SUGCT: variants seen among roughly 807,000 people sequenced by gnomAD.
SUGCT encodes the protein succinyl-CoA:glutarate CoA-transferase.
Under a neutral mutation model 55.0 loss-of-function variants are expected in SUGCT, and 41 were observed. That is an observed-to-expected ratio of 0.74 (90% confidence interval 0.58 to 0.97). The LOEUF (loss-of-function observed/expected upper bound fraction) is 0.97. SUGCT is among the 50% of genes least tolerant of loss of function. SUGCT has a pLI of 0.00. For missense variants in SUGCT, 568 were observed against 547.8 expected, an observed-to-expected ratio of 1.04 and a Z score of -0.37; for synonymous variants, 187 against 200.4, an observed-to-expected ratio of 0.93 and a Z score of 0.56.
chr7:40,914,062 G>T, the SUGCT span, among the ~76,000 whole-genome samples: 137 of 143,882 alleles, frequency 9.5e-4, 1 homozygote, highest in African/African-American at 3.3e-3. Context: ...TTTTTTTTCA[G>T]TTTTTTTTTT....
chr7:40,476,412 G>A (rs908272695), intron 11 of SUGCT, among the ~76,000 whole-genome samples: 2 of 151,856 alleles, frequency 1.3e-5, no homozygotes, highest in East Asian at 1.9e-4. Context: ...TTTGGAAACC[G>A]TTGAGGAAAA....
chr7:40,993,589 A>G, the SUGCT span, among the ~76,000 whole-genome samples: 1 of 152,156 alleles, frequency 6.6e-6, no homozygotes, highest in Non-Finnish European at 1.5e-5. Flanking sequence ...TTCCTTCATG[A>G]GTCTAGGGAG....
intron 9 of SUGCT, among the ~76,000 whole-genome samples, chr7:40,403,026 CTG>C: frequency 6.6e-6 from 1 of 152,200 alleles, no homozygotes; most frequent in African/African-American, 2.4e-5. Flanking sequence ...GGGGCATTGT[CTG>C]GTCTCAATAT....
chr7:40,675,735 A>G (rs1287354426), intron 12 of SUGCT, among the ~76,000 whole-genome samples: 1 of 152,220 alleles, frequency 6.6e-6, no homozygotes, highest in East Asian at 1.9e-4. Flanking sequence ...GACATCCAAT[A>G]TGGATCAAAC....
intron 13 of SUGCT, among the ~76,000 whole-genome samples, chr7:40,846,171 A>G (rs886606736): frequency 1.3e-5 from 2 of 152,184 alleles, no homozygotes; most frequent in African/African-American, 2.4e-5. Flanking sequence ...AGCTGAACCA[A>G]TTTTGTTTTC....
the SUGCT span, among the ~76,000 whole-genome samples, chr7:40,923,947 G>C: frequency 1.3e-5 from 2 of 152,112 alleles, no homozygotes; most frequent in African/African-American, 2.4e-5. Flanking sequence ...TAACAGGCAG[G>C]AACTTTGCAA....
intron 8 of SUGCT, among the ~76,000 whole-genome samples, chr7:40,294,753 G>A (rs1794013256): frequency 6.6e-6 from 1 of 152,028 alleles, no homozygotes; most frequent in African/African-American, 2.4e-5. Context: ...CACCATGTTG[G>A]TCAGGCTGGT....
At chr7:40,196,527 G>A (rs1327722291) in intron 6 of SUGCT, among the ~76,000 whole-genome samples, 2 of 152,172 alleles carry the variant, frequency 1.3e-5, no homozygotes. Flanking sequence ...TGGCAAGGGG[G>A]TGGGGTGAGG....
chr7:40,307,907 G>C (rs1794924480), intron 8 of SUGCT, among the ~76,000 whole-genome samples: 1 of 152,182 alleles, frequency 6.6e-6, no homozygotes, highest in East Asian at 1.9e-4. Context: ...GTTAAAAAGA[G>C]AGATGCCAGA....
intron 13 of SUGCT, among the ~76,000 whole-genome samples, chr7:40,790,520 T>C (rs1790259824): frequency 6.6e-6 from 1 of 152,242 alleles, no homozygotes; most frequent in Admixed American, 6.5e-5. Context: ...AGAGATTTCT[T>C]AAAATGTCTT....
At chr7:40,372,946 C>T (rs992625773) in intron 9 of SUGCT, among the ~76,000 whole-genome samples, 2 of 151,884 alleles carry the variant, frequency 1.3e-5, no homozygotes, top group Non-Finnish European at 2.9e-5. Flanking sequence ...AATTGTAAGA[C>T]AAATATATAC....
intron 13 of SUGCT, among the ~76,000 whole-genome samples, chr7:40,769,635 C>T (rs1010226498): frequency 3.3e-5 from 5 of 152,110 alleles, no homozygotes; most frequent in Non-Finnish European, 7.3e-5. Flanking sequence ...ATGGATTGTG[C>T]CCTAGATCTT....
intron 9 of SUGCT, among the ~76,000 whole-genome samples, chr7:40,377,203 C>T (rs868511721): frequency 1.3e-3 from 16 of 11,936 alleles, no homozygotes; most frequent in East Asian, 0.017. Flanking sequence ...TCTTTCTTTT[C>T]TTTTCTTTTC....
chr7:40,155,980 C>G (rs1198952785), intron 1 of SUGCT, among the ~76,000 whole-genome samples: 1 of 151,670 alleles, frequency 6.6e-6, no homozygotes, highest in East Asian at 2.0e-4. Context: ...GCCTCAGCTT[C>G]TGAGTATCTG....
intron 9 of SUGCT, among the ~76,000 whole-genome samples, chr7:40,358,983 T>C (rs1011280979): frequency 2.0e-5 from 3 of 152,200 alleles, no homozygotes; most frequent in African/African-American, 4.8e-5. Context: ...TAGCCAAAGA[T>C]ACATTTTACA....
chr7:40,445,532 G>C (rs533255999), intron 9 of SUGCT, among the ~76,000 whole-genome samples: 1 of 152,224 alleles, frequency 6.6e-6, no homozygotes, highest in African/African-American at 2.4e-5. Flanking sequence ...AAAAGTCTAG[G>C]ATCAGGCGGA....
chr7:40,385,713 T>G (rs1162954112), intron 9 of SUGCT, among the ~76,000 whole-genome samples: 1 of 24,938 alleles, frequency 4.0e-5, no homozygotes, highest in Non-Finnish European at 1.5e-4. Flanking sequence ...GGTACATAGA[T>G]GTGTTTCATT....
chr7:40,439,580 G>T (rs1302491387), intron 9 of SUGCT, among the ~76,000 whole-genome samples: 7 of 152,164 alleles, frequency 4.6e-5, no homozygotes, highest in Non-Finnish European at 1.0e-4. Flanking sequence ...CAGTATTCCA[G>T]TTGTGTTAAC....
At chr7:40,622,725 G>T in intron 12 of SUGCT, among the ~76,000 whole-genome samples, 1 of 152,012 alleles carries the variant, frequency 6.6e-6, no homozygotes, top group African/African-American at 2.4e-5. Flanking sequence ...GTGTGTGTCT[G>T]TGTGTGTCTT....
Sources: gnomAD v4.1 joint callset for allele counts (sites outside exome capture counted in the v4.1 genomes callset) on GRCh38, gnomAD v4.1.1 for gene constraint, MANE v1.5 for transcripts, NCBI Gene and HGNC (gene_info 2026-07-23, HGNC 2026-07-21) for gene names.